The following PCLO variants were observed in gnomAD, a reference collection of about 807,000 sequenced individuals.
PCLO encodes the protein piccolo presynaptic cytomatrix protein, also known as protein piccolo.
In PCLO, 82 loss-of-function variants were observed where a neutral mutation model predicts 427.5. The observed-to-expected ratio is 0.19, with a 90% CI of 0.16 to 0.23. The LOEUF (loss-of-function observed/expected upper bound fraction) is 0.23. Ranked by LOEUF, PCLO falls within the 10% of genes least tolerant of loss-of-function variation. The probability of loss-of-function intolerance (pLI) is 1.00; values close to 1 mark genes in which losing one functional copy is unlikely to be tolerated. For missense variants in PCLO, 6,239 were observed against 6,115.9 expected, an observed-to-expected ratio of 1.02 and a Z score of -0.67; for synonymous variants, 2,357 against 2,155.4, an observed-to-expected ratio of 1.09 and a Z score of -2.59.
At chr7:82,798,485 A>G (rs1382444754) in intron 22 of PCLO, among the ~76,000 whole-genome samples, 2 of 152,206 alleles carry the variant, frequency 1.3e-5, no homozygotes, top group East Asian at 1.9e-4. Flanking sequence ...CTGATTAAAC[A>G]TATATCTCAA....
At chr7:83,093,065 T>C (rs1444813271) in intron 3 of PCLO, among the ~76,000 whole-genome samples, 1 of 151,742 alleles carries the variant, frequency 6.6e-6, no homozygotes, top group Non-Finnish European at 1.5e-5. Flanking sequence ...GGCTCAGAAA[T>C]TAGAATATTC....
At chr7:83,022,647 A>G (rs945882412) in intron 3 of PCLO, among the ~76,000 whole-genome samples, 12 of 152,300 alleles carry the variant, frequency 7.9e-5, no homozygotes, top group African/African-American at 2.9e-4. Context: ...AATATTCCAT[A>G]TTTTCTTTCA....
chr7:83,046,120 C>T (rs1301758992), intron 3 of PCLO, among the ~76,000 whole-genome samples: 1 of 152,004 alleles, frequency 6.6e-6, no homozygotes, highest in Non-Finnish European at 1.5e-5. Flanking sequence ...GAACACTAGT[C>T]ATATTGGATT....
intron 3 of PCLO, among the ~76,000 whole-genome samples, chr7:82,990,799 T>C (rs1796359237): frequency 6.6e-6 from 1 of 152,110 alleles, no homozygotes. Context: ...ATATAATTAA[T>C]ATAGCATATA....
chr7:83,057,368 T>A (rs1789423580), intron 3 of PCLO, among the ~76,000 whole-genome samples: 1 of 81,424 alleles, frequency 1.2e-5, no homozygotes, highest in Non-Finnish European at 2.5e-5. Context: ...TTTTTTTTTT[T>A]TTTTTTTTTT....
chr7:83,135,325 G>A lies in PCLO; in HGVS notation c.2225C>T (p.Ser742Phe). The part of the protein sequence containing the change: ...PAPPKEPSVP[S>F]EQDKAPVADD... ...AGCAACAGGGGCCTTGTCCTGCTCA[G>A]ATGGGACAGAAGGTTCTTTGGGAGG... Residue 742 changes from serine (S) to phenylalanine (F), a missense_variant, in exon 3 of 25, where the codon TCT becomes TTT. Transcript: ENST00000333891. The A allele has an allele frequency of 6.2e-7, 1 of 1,613,932 alleles. No individual in the cohort carries two copies. The highest frequency in any genetic ancestry group is 1.1e-5 in the South Asian group (1 of 91,076).
chr7:82,768,890 T>G (rs1790588412), intron 22 of PCLO, among the ~76,000 whole-genome samples: 1 of 152,188 alleles, frequency 6.6e-6, no homozygotes, highest in Admixed American at 6.5e-5. Context: ...TAATTTGCAT[T>G]TATAGAGAAA....
chr7:82,804,526 C>G lies in PCLO; in HGVS notation c.14933+1162G>C, dbSNP rs1049232429. Among the ~76,000 whole-genome samples, 3 of 152,060 alleles carry G rather than the reference C, an allele frequency of 2.0e-5. No individual in the cohort carries two copies. In the East Asian group the frequency reaches 5.8e-4, roughly 29 times the overall value. On this transcript the variant is annotated intron_variant, in intron 21 of 24. Coordinates refer to ENST00000333891, the MANE Select transcript of PCLO (RefSeq NM_033026.6). ...ACAAAGAGAAATAGACAATCCACCC[C>G]CTGAAAAGTCTTCACTTAGCATTGG...
intron 8 of PCLO, among the ~76,000 whole-genome samples, chr7:82,903,068 T>C (rs1489324396): frequency 6.6e-6 from 1 of 152,014 alleles, no homozygotes; most frequent in Non-Finnish European, 1.5e-5. Flanking sequence ...ACCTCGGATA[T>C]AGAATGTATT....
chr7:82,805,633 T>C, intron 21 of PCLO, 55 bp downstream of exon 21: 2 of 1,538,198 alleles, frequency 1.3e-6, no homozygotes, highest in Non-Finnish European at 1.8e-6. Flanking sequence ...CTGTTGAGAA[T>C]GCCTTACTCA....
intron 20 of PCLO, chr7:82,821,156 G>T (rs2099497167): frequency 2.7e-5 from 27 of 1,007,758 alleles, no homozygotes; most frequent in Non-Finnish European, 3.2e-5. Context: ...CTTCCTGAGG[G>T]CTAGCTGGCT....
intron 6 of PCLO, among the ~76,000 whole-genome samples, chr7:82,934,578 T>A (rs1794909067): frequency 6.6e-6 from 1 of 151,746 alleles, no homozygotes; most frequent in Non-Finnish European, 1.5e-5. Flanking sequence ...AATATGAAAC[T>A]GCAGTGTTGA....
chr7:82,817,601 C>A, intron 20 of PCLO, among the ~76,000 whole-genome samples: 1 of 152,112 alleles, frequency 6.6e-6, no homozygotes, highest in South Asian at 2.1e-4. Context: ...TAAGAGTTCA[C>A]CAAGGCAACA....
chr7:82,771,978 G>A (rs1790656716), intron 22 of PCLO, among the ~76,000 whole-genome samples: 1 of 151,918 alleles, frequency 6.6e-6, no homozygotes, highest in African/African-American at 2.4e-5. Flanking sequence ...GAGTTACAAC[G>A]GACTCAAATG....
intron 10 of PCLO, among the ~76,000 whole-genome samples, chr7:82,849,248 T>C (rs1316214458): frequency 6.6e-6 from 1 of 152,136 alleles, no homozygotes. Flanking sequence ...ATTAAAAAAA[T>C]GCTTCTAAAG....
chr7:83,125,061 T>C (rs1215751146), intron 3 of PCLO, among the ~76,000 whole-genome samples: 1 of 152,134 alleles, frequency 6.6e-6, no homozygotes, highest in Non-Finnish European at 1.5e-5. Context: ...CAGTGCTCAA[T>C]GTTGCCCAGG....
At chr7:82,820,740 A>T (rs941280608) in intron 20 of PCLO, 2 of 1,231,402 alleles carry the variant, frequency 1.6e-6, no homozygotes, top group African/African-American at 3.1e-5. Context: ...CCACATTCCA[A>T]CTGGTAGGCT....
chr7:83,073,436 C>T (rs2116364794), intron 3 of PCLO, among the ~76,000 whole-genome samples: 1 of 152,074 alleles, frequency 6.6e-6, no homozygotes, highest in Non-Finnish European at 1.5e-5. Context: ...TAAGAGCCTA[C>T]TGCCTTGTAG....
rs1278468312 is a variant in PCLO at position 82,902,680 on chromosome 7, G to C, written c.13499C>G (p.Thr4500Arg). 3.8e-6 allele frequency: 6 copies of C among 1,597,224 alleles called. No individual in the cohort carries two copies. Among genetic ancestry groups the C allele is most frequent in the Non-Finnish European group, 4.3e-6 (5 of 1,165,830 alleles). The change falls in exon 9 of 25, where the codon ACA becomes AGA. Residue 4500 changes from threonine (T) to arginine (R), a missense_variant. Thr to Arg is a moderately conservative substitution (Grantham distance 71, BLOSUM62 -1). This residue lies in a region of PCLO where 877 missense variants were observed against 925.5 expected (regional missense o/e 0.95). Coordinates refer to ENST00000333891, the MANE Select transcript of PCLO (RefSeq NM_033026.6). The stretch of plus-strand genomic sequence containing the variant: ...AACTGTGTGATCCTTTGAGTCTCTT[G>C]TTATTTTTATCCTTGCGTGAGGAAA... ...YIFPHARIKI[T>R]RDSKDHTVSG...
Sources: allele counts gnomAD v4.1 joint callset (sites outside exome capture counted in the v4.1 genomes callset), GRCh38; gene constraint gnomAD v4.1.1; regional missense constraint gnomAD v4.1.1; transcripts MANE v1.5; gene names NCBI Gene and HGNC (gene_info 2026-07-23, HGNC 2026-07-21).